ADAM12: variants seen among roughly 807,000 people sequenced by gnomAD.
ADAM12 encodes disintegrin and metalloproteinase domain-containing protein 12.
In ADAM12, 70 loss-of-function variants were observed where a neutral mutation model predicts 106.4. The ratio of observed to expected loss-of-function variants is 0.66; its 90% confidence interval spans 0.54 to 0.80. ADAM12 has a LOEUF of 0.80. ADAM12 is among the 30% of genes least tolerant of loss of function. ADAM12 has a pLI of 0.00. For missense variants in ADAM12, 1,010 were observed against 1,171.9 expected, an observed-to-expected ratio of 0.86 and a Z score of 2.02; for synonymous variants, 420 against 433.5, an observed-to-expected ratio of 0.97 and a Z score of 0.39.
intron 1 of ADAM12, among the ~76,000 whole-genome samples, chr10:126,385,000 C>T (rs2133941684): frequency 6.6e-6 from 1 of 152,340 alleles, no homozygotes; most frequent in East Asian, 1.9e-4. Context: ...GGTCCACAAC[C>T]CCCTTCTCAG....
At chr10:126,226,783 C>T (rs1017416091) in intron 3 of ADAM12, among the ~76,000 whole-genome samples, 1 of 152,126 alleles carries the variant, frequency 6.6e-6, no homozygotes, top group Admixed American at 6.5e-5. Flanking sequence ...GTGCCAGGCA[C>T]TTTACCGGGT....
At chr10:126,041,000 C>T (rs557846483) in intron 18 of ADAM12, among the ~76,000 whole-genome samples, 8 of 152,150 alleles carry the variant, frequency 5.3e-5, no homozygotes, top group Non-Finnish European at 1.2e-4. Context: ...TCTAGATCTT[C>T]GCACAGCCAG....
At chr10:126,191,606 TG>T (rs1957502747) in intron 3 of ADAM12, among the ~76,000 whole-genome samples, 1 of 149,144 alleles carries the variant, frequency 6.7e-6, no homozygotes, top group Non-Finnish European at 1.5e-5. Flanking sequence ...AAGACTAAGG[TG>T]GGGGGAATAG....
At chr10:126,344,638 A>T (rs542984142) in intron 1 of ADAM12, among the ~76,000 whole-genome samples, 1 of 152,118 alleles carries the variant, frequency 6.6e-6, no homozygotes, top group Non-Finnish European at 1.5e-5. Flanking sequence ...TACGATATTG[A>T]TTCTTCCTAT....
chr10:126,219,534 T>C (rs181206555), intron 3 of ADAM12, among the ~76,000 whole-genome samples: 17 of 152,372 alleles, frequency 1.1e-4, no homozygotes, highest in African/African-American at 3.4e-4. Flanking sequence ...ATAAATCCAA[T>C]TGTAAGTGTT....
At position 126,109,767 on chromosome 10, in the gene ADAM12, G is replaced by A; in HGVS notation, c.669+8C>T. ...CAACCATACTGAGAAATTTTAAAAA[G>A]TTCTTACCTCTCGGTTGTCTGCCAC... is the stretch of plus-strand genomic sequence containing the variant. On this transcript the variant is annotated splice_region_variant and intron_variant, in intron 7 of 22. Transcript: ENST00000448723. 5 of 1,609,692 alleles carry A rather than the reference G, an allele frequency of 3.1e-6. No homozygotes were observed. The highest frequency in any genetic ancestry group is 4.2e-6 in the Non-Finnish European group (5 of 1,178,780).
intron 11 of ADAM12, among the ~76,000 whole-genome samples, chr10:126,085,656 C>T (rs1424465424): frequency 2.0e-5 from 3 of 152,142 alleles, no homozygotes; most frequent in African/African-American, 7.2e-5. Flanking sequence ...CTTTGTCTGT[C>T]TGTCCATCCG....
intron 3 of ADAM12, among the ~76,000 whole-genome samples, chr10:126,187,128 G>A (rs1159043826): frequency 6.6e-6 from 1 of 152,174 alleles, no homozygotes; most frequent in African/African-American, 2.4e-5. Flanking sequence ...CAACGTTTAG[G>A]TGCTGTTTAT....
rs533701114 is a variant in ADAM12 at position 126,284,937 on chromosome 10, G to C, written c.187-5949C>G. On this transcript the variant is annotated intron_variant, in intron 2 of 22. Transcript: ENST00000448723. ...ACCCATACACACTTGTCTGTCTTTT[G>C]CAGCGTTCAGGGCTCAATGGCAGGT... 2.0e-5 allele frequency among the ~76,000 whole-genome samples: 3 copies of C among 152,322 alleles called. No homozygotes were observed. In the East Asian group the frequency reaches 5.8e-4, roughly 29 times the overall value.
chr10:126,055,707 C>A (rs1031128885), intron 14 of ADAM12, among the ~76,000 whole-genome samples: 3 of 152,224 alleles, frequency 2.0e-5, no homozygotes, highest in African/African-American at 7.2e-5. Flanking sequence ...CCCTGCCATC[C>A]TTTCCTCTTC....
chr10:126,342,394 T>C (rs1013578598), intron 1 of ADAM12, among the ~76,000 whole-genome samples: 1 of 152,240 alleles, frequency 6.6e-6, no homozygotes. Context: ...AACTTAGAAT[T>C]AGCGTCCTGA....
intron 3 of ADAM12, among the ~76,000 whole-genome samples, chr10:126,212,219 A>C (rs996822956): frequency 1.3e-5 from 2 of 152,190 alleles, no homozygotes; most frequent in Non-Finnish European, 2.9e-5. Flanking sequence ...CACAAACTCC[A>C]AAAAAAGTTT....
chr10:126,262,522 C>A (rs1959022139), intron 3 of ADAM12, among the ~76,000 whole-genome samples: 1 of 152,098 alleles, frequency 6.6e-6, no homozygotes, highest in African/African-American at 2.4e-5. Context: ...GTATGATTAC[C>A]CCTTTTTGGA....
Position 126,046,085 on chromosome 10 carries a change from G to A in ADAM12, c.1965C>T (p.His655=), listed in dbSNP as rs760185766. ...TGCCGTGGCACTGCATTGCACACTC[G>A]TGAACCCCAAAGACACTAATATTTT... ...QCQNISVFGV[H]ECAMQCHGRG... Residue 655 remains histidine (H), a synonymous_variant, in exon 17 of 23, where the codon CAC becomes CAT. Coordinates refer to ENST00000448723, the MANE Select transcript of ADAM12 (RefSeq NM_001288973.2). 15 of 1,614,008 alleles carry A rather than the reference G, an allele frequency of 9.3e-6. No homozygotes were observed. Among genetic ancestry groups the A allele is most frequent in the Middle Eastern group, 1.6e-4 (1 of 6,084 alleles).
intron 3 of ADAM12, among the ~76,000 whole-genome samples, chr10:126,273,611 C>T (rs931292713): frequency 4.6e-5 from 7 of 152,078 alleles, no homozygotes; most frequent in East Asian, 1.9e-4. Context: ...AGCTGGATCC[C>T]GAAGGACCAG....
chr10:126,199,111 T>C (rs1290093995), intron 3 of ADAM12, among the ~76,000 whole-genome samples: 1 of 152,174 alleles, frequency 6.6e-6, no homozygotes, highest in Non-Finnish European at 1.5e-5. Context: ...GTCCTCAGTC[T>C]CACTTTAAAA....
rs1314043012 is a variant in ADAM12 at position 126,014,870 on chromosome 10, G to A, written c.*2409C>T. ...AGATTGCCATTGAAATATAAGTATT[G>A]ATTTTTTTTGTTTTGAGGATATAAA... On this transcript the variant is annotated 3_prime_UTR_variant, in exon 23 of 23. Coordinates refer to ENST00000448723, the MANE Select transcript of ADAM12 (RefSeq NM_001288973.2). The A allele has an allele frequency of 6.7e-6, 1 of 149,956 alleles. No homozygotes were observed. The highest frequency in any genetic ancestry group is 1.5e-5 in the Non-Finnish European group (1 of 67,974). 9.3% of individuals were successfully genotyped at this position (149,956 alleles called of 1,614,324 possible).
chr10:126,221,276 T>C lies in ADAM12; in HGVS notation c.260+57639A>G, dbSNP rs182659525. 6.2e-3 allele frequency among the ~76,000 whole-genome samples: 943 copies of C among 151,580 alleles called. 13 individuals carry two copies. Among genetic ancestry groups the C allele is most frequent in the African/African-American group, 0.022 (892 of 41,282 alleles). On this transcript the variant is annotated intron_variant, in intron 3 of 22. Transcript: ENST00000448723. The stretch of plus-strand genomic sequence containing the variant: ...GCACATGCCTGTAATCCCAGCTACT[T>C]GGCAGTCTGAGGCAGCAGAATCACT...
rs571684183 is a variant in ADAM12 at position 126,037,260 on chromosome 10, T to C, written c.2350-935A>G. 4.0e-5 allele frequency among the ~76,000 whole-genome samples: 6 copies of C among 150,074 alleles called. No individual in the cohort carries two copies. The South Asian group carries it at 1.3e-3, about 32-fold the overall frequency. ...ATGGATATTTGGATTGTTTCTAGTTTGGGGCTCTCAAAAATAAGGCTGTGC... is the reference window on the plus strand; with the variant it reads ...ATGGATATTTGGATTGTTTCTAGTTCGGGGCTCTCAAAAATAAGGCTGTGC... On this transcript the variant is annotated intron_variant, in intron 20 of 22. Transcript: ENST00000448723.
Sources: allele counts gnomAD v4.1 joint callset (sites outside exome capture counted in the v4.1 genomes callset), GRCh38; gene constraint gnomAD v4.1.1; transcripts MANE v1.5; gene names NCBI Gene and HGNC (gene_info 2026-07-23, HGNC 2026-07-21).